The following CNTLN variants were observed in gnomAD, a reference collection of about 807,000 sequenced individuals.
CNTLN encodes centlein, also known as centlein, centrosomal protein.
A neutral mutation model predicts 180.0 loss-of-function variants in CNTLN; 212 were observed. The ratio of observed to expected loss-of-function variants is 1.18; its 90% CI spans 1.05 to 1.32. CNTLN has a LOEUF of 1.32. CNTLN is among the 40% of genes most tolerant of loss of function. The pLI, the probability that CNTLN is intolerant of heterozygous loss-of-function variation, is 0.00. For synonymous variants in CNTLN, 722 were observed against 563.1 expected (o/e 1.28, Z -3.99); for missense variants, 2,095 against 1,610.9 (o/e 1.30, Z -5.14).
At chr9:17,327,008 A>AAT (rs1417830582) in intron 8 of CNTLN, among the ~76,000 whole-genome samples, 2 of 152,124 alleles carry the variant, frequency 1.3e-5, no homozygotes, top group Non-Finnish European at 2.9e-5. Context: ...ATAATGTATG[A>AAT]ATATTGGTTC....
At chr9:17,162,967 C>T (rs575839284) in intron 2 of CNTLN, among the ~76,000 whole-genome samples, 1 of 152,198 alleles carries the variant, frequency 6.6e-6, no homozygotes, top group East Asian at 1.9e-4. Context: ...AAAGATGTAC[C>T]TGAGACTGGG....
chr9:17,385,179 G>T (rs1222935959), intron 13 of CNTLN, among the ~76,000 whole-genome samples: 1 of 152,216 alleles, frequency 6.6e-6, no homozygotes, highest in Non-Finnish European at 1.5e-5. Context: ...GGAAAAGGAA[G>T]CTTTTGTGTC....
At chr9:17,293,862 A>T (rs1476065906) in intron 6 of CNTLN, among the ~76,000 whole-genome samples, 3 of 151,982 alleles carry the variant, frequency 2.0e-5, no homozygotes, top group Non-Finnish European at 2.9e-5. Context: ...CCCTGGTGGC[A>T]TGGGCTCATT....
intron 13 of CNTLN, among the ~76,000 whole-genome samples, chr9:17,373,490 G>T (rs1824498691): frequency 2.0e-5 from 3 of 151,974 alleles, no homozygotes; most frequent in Admixed American, 2.0e-4. Context: ...CACAAAAAAT[G>T]GAAAGACATC....
chr9:17,192,014 A>G (rs1482329874), intron 2 of CNTLN, among the ~76,000 whole-genome samples: 3 of 152,200 alleles, frequency 2.0e-5, no homozygotes, highest in Admixed American at 1.3e-4. Flanking sequence ...GATTTTTTAG[A>G]ATGATACATT....
chr9:17,272,794 C>T (rs950881907), intron 5 of CNTLN, among the ~76,000 whole-genome samples: 5 of 152,130 alleles, frequency 3.3e-5, no homozygotes, highest in Non-Finnish European at 7.4e-5. Flanking sequence ...CATAAAAATA[C>T]ATTTACTCCT....
At chr9:17,340,088 T>G (rs1821356295) in intron 10 of CNTLN, among the ~76,000 whole-genome samples, 1 of 152,082 alleles carries the variant, frequency 6.6e-6, no homozygotes, top group Non-Finnish European at 1.5e-5. Context: ...GCCCAGGAGT[T>G]TGAGACTGCA....
chr9:17,341,466 C>T (rs1471568648), intron 11 of CNTLN, among the ~76,000 whole-genome samples: 3 of 152,194 alleles, frequency 2.0e-5, no homozygotes, highest in Non-Finnish European at 2.9e-5. Context: ...AATGAATTGG[C>T]GGTCTCAGTT....
At chr9:17,155,938 G>A (rs1004752815) in intron 2 of CNTLN, among the ~76,000 whole-genome samples, 3 of 152,122 alleles carry the variant, frequency 2.0e-5, no homozygotes, top group Non-Finnish European at 4.4e-5. Context: ...TATCTGTGCT[G>A]GAGTTCCTCA....
intron 8 of CNTLN, among the ~76,000 whole-genome samples, chr9:17,316,758 G>A (rs986027209): frequency 3.9e-5 from 6 of 151,988 alleles, no homozygotes; most frequent in Admixed American, 3.9e-4. Context: ...ATTTTCTAGT[G>A]TGATATTTTA....
intron 2 of CNTLN, among the ~76,000 whole-genome samples, chr9:17,191,324 T>C (rs1821774305): frequency 6.6e-6 from 1 of 152,190 alleles, no homozygotes; most frequent in South Asian, 2.1e-4. Flanking sequence ...TGTAAGGCAA[T>C]CTAACATTGT....
rs566733255 is a variant in CNTLN at position 17,242,293 on chromosome 9, A to T, written c.849+5705A>T. On this transcript the variant is annotated intron_variant, in intron 5 of 25. Coordinates refer to ENST00000380647, the MANE Select transcript of CNTLN (RefSeq NM_017738.4). ...AAATGCTTTTTCACCATCAATTGAA[A>T]TGATCATGTGGTTTTTTTTTTTCCT... Among the ~76,000 whole-genome samples, 102 of 149,050 alleles carry T rather than the reference A, an allele frequency of 6.8e-4. No homozygotes were observed. In the South Asian group the frequency reaches 0.01, roughly 15 times the overall value.
chr9:17,332,731 G>C lies in CNTLN; in HGVS notation c.1644+1G>C, dbSNP rs963643819. ...CTTAGAGAAGGCACTACAACTAAAG[G>C]TGAACATTAAATCATTTCTTTAGTA... is the stretch of plus-strand genomic sequence containing the variant. On this transcript the variant is annotated splice_donor_variant, in intron 10 of 25. Transcript: ENST00000380647. LOFTEE classifies it high-confidence loss of function. 1.3e-6 allele frequency: 2 copies of C among 1,583,132 alleles called. No individual in the cohort carries two copies. Among genetic ancestry groups the C allele is most frequent in the African/African-American group, 1.4e-5 (1 of 72,994 alleles).
chr9:17,408,916 A>G (rs531882496), intron 15 of CNTLN, among the ~76,000 whole-genome samples: 77 of 152,274 alleles, frequency 5.1e-4, no homozygotes, highest in African/African-American at 1.7e-3. Flanking sequence ...CAGAGATTCA[A>G]ATTTTGTTTC....
At chr9:17,341,074 G>A in intron 11 of CNTLN, 126 bp downstream of exon 11, 1 of 822,296 alleles carries the variant, frequency 1.2e-6, no homozygotes, top group South Asian at 3.6e-5. Context: ...TCTTTATTGT[G>A]AATTTTTAAA....
chr9:17,252,360 T>C (rs912673677), intron 5 of CNTLN, among the ~76,000 whole-genome samples: 10 of 151,828 alleles, frequency 6.6e-5, no homozygotes, highest in Admixed American at 4.6e-4. Flanking sequence ...TCACCAACAG[T>C]GTATAAGAGT....
intron 18 of CNTLN, among the ~76,000 whole-genome samples, chr9:17,443,048 A>T (rs925347800): frequency 6.6e-6 from 1 of 152,004 alleles, no homozygotes; most frequent in Non-Finnish European, 1.5e-5. Context: ...TCTACCAAAA[A>T]CCTGAACTAG....
At chr9:17,229,173 A>G (rs563659621) in intron 3 of CNTLN, among the ~76,000 whole-genome samples, 130 of 152,234 alleles carry the variant, frequency 8.5e-4, no homozygotes, top group Non-Finnish European at 6.2e-4. Context: ...GTACAATGCA[A>G]TATCTCATGA....
intron 18 of CNTLN, among the ~76,000 whole-genome samples, chr9:17,454,607 C>G (rs1831001483): frequency 6.6e-6 from 1 of 152,220 alleles, no homozygotes; most frequent in South Asian, 2.1e-4. Flanking sequence ...TTCTCAGACA[C>G]TATGTAGTAG....
Sources: allele counts gnomAD v4.1 joint callset (sites outside exome capture counted in the v4.1 genomes callset), GRCh38; gene constraint gnomAD v4.1.1; transcripts MANE v1.5; gene names NCBI Gene and HGNC (gene_info 2026-07-23, HGNC 2026-07-21).